The following KHDRBS2 variants were observed in gnomAD, a reference collection of about 807,000 sequenced individuals.
KHDRBS2 encodes the protein KH domain-containing, RNA-binding, signal transduction-associated protein 2.
A neutral mutation model predicts 44.3 loss-of-function variants in KHDRBS2; 26 were observed. The ratio of observed to expected loss-of-function variants is 0.59; its 90% CI spans 0.43 to 0.81. The LOEUF (loss-of-function observed/expected upper bound fraction) is 0.81, where lower values mean the gene tolerates loss of function less well. KHDRBS2 is among the 40% of genes least tolerant of loss of function. KHDRBS2 has a pLI of 0.00. For synonymous variants in KHDRBS2, 194 were observed against 151.1 expected, an observed-to-expected ratio of 1.28 and a Z score of -2.08; for missense variants, 476 against 433.1, an observed-to-expected ratio of 1.10 and a Z score of -0.88.
intron 6 of KHDRBS2, among the ~76,000 whole-genome samples, chr6:61,742,807 G>T (rs1423137101): frequency 4.6e-5 from 7 of 151,964 alleles, no homozygotes; most frequent in Non-Finnish European, 7.4e-5. Context: ...TAAATCTTTG[G>T]AGTTTTCTAT....
intron 3 of KHDRBS2, among the ~76,000 whole-genome samples, chr6:62,018,913 T>A (rs1228620742): frequency 1.3e-5 from 2 of 152,202 alleles, no homozygotes; most frequent in Non-Finnish European, 2.9e-5. Context: ...ATTCTGACCA[T>A]GTGCACATAA....
intron 1 of KHDRBS2, among the ~76,000 whole-genome samples, chr6:62,242,744 C>T (rs1834896426): frequency 1.3e-5 from 2 of 152,102 alleles, no homozygotes; most frequent in African/African-American, 4.8e-5. Flanking sequence ...AAATTACATC[C>T]TTACAAGTGG....
chr6:61,848,520 T>C lies in KHDRBS2; in HGVS notation c.810+46115A>G, dbSNP rs1404679209. On this transcript the variant is annotated intron_variant, in intron 6 of 8. Coordinates refer to ENST00000281156, the MANE Select transcript of KHDRBS2 (RefSeq NM_152688.4). ...ATATATATATATATATGTATATATG[T>C]ATATATATATACATATATATGTATA... is the stretch of plus-strand genomic sequence containing the variant. Among the ~76,000 whole-genome samples the C allele has an allele frequency of 4.0e-4, 16 of 39,928 alleles. No individual in the cohort carries two copies. In the East Asian group the frequency reaches 4.6e-3, roughly 11 times the overall value. 26.2% of individuals were successfully genotyped at this position (39,928 alleles called of 152,430 possible).
chr6:61,777,805 A>AC (rs1330139509), intron 6 of KHDRBS2, among the ~76,000 whole-genome samples: 3 of 152,178 alleles, frequency 2.0e-5, no homozygotes, highest in African/African-American at 7.2e-5. Context: ...CATAGCTGTA[A>AC]AAACGAAGAT....
At position 61,995,392 on chromosome 6, in the gene KHDRBS2, G is replaced by A. The variant is rs150872002; in HGVS notation, c.337-17180C>T. ...AATGTCTACTTTTCTAACATACAACGTATGATAGAAGAGGTATTGGCTCAG... is the reference window on the plus strand; with the variant it reads ...AATGTCTACTTTTCTAACATACAACATATGATAGAAGAGGTATTGGCTCAG... On this transcript the variant is annotated intron_variant, in intron 3 of 8. Coordinates refer to ENST00000281156, the MANE Select transcript of KHDRBS2 (RefSeq NM_152688.4). Among the ~76,000 whole-genome samples the A allele has an allele frequency of 3.0e-3, 451 of 152,214 alleles. 2 individuals carry two copies. Among genetic ancestry groups the A allele is most frequent in the Non-Finnish European group, 3.9e-3 (262 of 68,018 alleles).
At chr6:62,019,663 T>C (rs566972788) in intron 3 of KHDRBS2, among the ~76,000 whole-genome samples, 2 of 152,264 alleles carry the variant, frequency 1.3e-5, no homozygotes, top group South Asian at 2.1e-4. Context: ...TAAACTTTGA[T>C]AGTTCAAATA....
At chr6:62,145,378 C>T (rs868434793) in intron 2 of KHDRBS2, among the ~76,000 whole-genome samples, 88 of 151,426 alleles carry the variant, frequency 5.8e-4, no homozygotes, top group African/African-American at 1.9e-3. Context: ...AAGCTTACAT[C>T]GCTTTTTCAC....
intron 3 of KHDRBS2, among the ~76,000 whole-genome samples, chr6:62,024,676 C>A (rs1015492968): frequency 6.6e-6 from 1 of 151,412 alleles, no homozygotes; most frequent in Non-Finnish European, 1.5e-5. Flanking sequence ...TATCTAAATT[C>A]TCTTTATCAT....
At chr6:61,675,035 C>A (rs577131275), downstream of KHDRBS2, among the ~76,000 whole-genome samples, 1 of 151,750 alleles carries the variant, frequency 6.6e-6, no homozygotes, top group African/African-American at 2.4e-5. Flanking sequence ...TCTATTTATG[C>A]AAGAAATGTT....
chr6:62,137,366 G>T, intron 2 of KHDRBS2, among the ~76,000 whole-genome samples: 1 of 151,956 alleles, frequency 6.6e-6, no homozygotes, highest in East Asian at 1.9e-4. Flanking sequence ...TAGATTTCTG[G>T]CATGTAAATA....
the KHDRBS2 span, among the ~76,000 whole-genome samples, chr6:61,657,407 C>T: frequency 6.6e-6 from 1 of 151,934 alleles, no homozygotes; most frequent in African/African-American, 2.4e-5. Context: ...TTGTAAAATT[C>T]CACTGGGAAC....
chr6:61,636,328 A>G, the KHDRBS2 span, among the ~76,000 whole-genome samples: 19 of 152,062 alleles, frequency 1.2e-4, no homozygotes, highest in Non-Finnish European at 2.1e-4. Context: ...ATTGAATTCT[A>G]TGACTCCTGA....
At chr6:62,074,310 A>G (rs1488738635) in intron 2 of KHDRBS2, among the ~76,000 whole-genome samples, 1 of 151,906 alleles carries the variant, frequency 6.6e-6, no homozygotes, top group Non-Finnish European at 1.5e-5. Context: ...AATTTTTGGA[A>G]CACAGAGATC....
At chr6:61,582,270 G>T in the KHDRBS2 span, among the ~76,000 whole-genome samples, 2 of 151,506 alleles carry the variant, frequency 1.3e-5, no homozygotes, top group African/African-American at 4.8e-5. Flanking sequence ...ACTGAACAAT[G>T]AAAAATAATT....
chr6:61,943,263 T>G (rs182040273), intron 4 of KHDRBS2, among the ~76,000 whole-genome samples: 1 of 152,132 alleles, frequency 6.6e-6, no homozygotes, highest in Admixed American at 6.5e-5. Flanking sequence ...AAGGGAGTCC[T>G]ACACCTGGAG....
In KHDRBS2 at chr6:62,047,981, C is replaced by G; in HGVS notation, c.233G>C (p.Gly78Ala). The G allele has an allele frequency of 6.3e-7, 1 of 1,591,616 alleles. No homozygotes were observed. Among genetic ancestry groups the G allele is most frequent in the Non-Finnish European group, 8.6e-7 (1 of 1,160,136 alleles). The change falls in exon 3 of 9, where the codon GGG (glycine) becomes GCG (alanine). Residue 78 changes from glycine to alanine, a missense_variant. Physicochemically the swap from Gly to Ala is moderately conservative, Grantham distance 60 (BLOSUM62 0). Transcript: ENST00000281156. ...GTTTCCTCTTGGTCCAAGCAATTTC[C>G]CCACAAAATTGAACTAGGAAACAAA... ...VKQYPKFNFVGKLLGPRGNSL... is the reference protein window; with the variant it reads ...VKQYPKFNFVAKLLGPRGNSL...
At chr6:62,232,496 C>T (rs1230160747) in intron 1 of KHDRBS2, among the ~76,000 whole-genome samples, 2 of 151,918 alleles carry the variant, frequency 1.3e-5, no homozygotes, top group East Asian at 1.9e-4. Flanking sequence ...GAAAAGATAC[C>T]AGTCACTTCC....
chr6:61,587,827 C>T, the KHDRBS2 span, among the ~76,000 whole-genome samples: 2 of 152,134 alleles, frequency 1.3e-5, no homozygotes, highest in Admixed American at 6.6e-5. Flanking sequence ...CATGCATACA[C>T]ATCATTTCAA....
At chr6:61,572,494 C>G in the KHDRBS2 span, among the ~76,000 whole-genome samples, 1 of 151,920 alleles carries the variant, frequency 6.6e-6, no homozygotes, top group Non-Finnish European at 1.5e-5. Context: ...AAATACAAAA[C>G]CAGGAAAAGA....
Sources: allele counts gnomAD v4.1 joint callset (sites outside exome capture counted in the v4.1 genomes callset), GRCh38; gene constraint gnomAD v4.1.1; transcripts MANE v1.5; gene names NCBI Gene and HGNC (gene_info 2026-07-23, HGNC 2026-07-21).